The following WDR33 variants were observed in gnomAD, a reference collection of about 807,000 sequenced individuals.
WDR33 encodes the protein WD repeat domain 33.
WDR33 carries 47 observed loss-of-function variants against 164.9 expected under a neutral mutation model. The ratio of observed to expected loss-of-function variants is 0.29; its 90% confidence interval spans 0.23 to 0.36. The LOEUF (loss-of-function observed/expected upper bound fraction) is 0.36. Ranked by LOEUF, WDR33 falls within the 10% of genes least tolerant of loss-of-function variation. The pLI is 1.00. For synonymous variants in WDR33, 505 were observed against 589.0 expected, an observed-to-expected ratio of 0.86 and a Z score of 2.06; for missense variants, 1,137 against 1,754.1, an observed-to-expected ratio of 0.65 and a Z score of 6.28.
Position 127,791,226 on chromosome 2 carries a change from A to G in WDR33, c.-24+19786T>C, listed in dbSNP as rs949147098. Among the ~76,000 whole-genome samples, 3 of 121,280 alleles carry G rather than the reference A, an allele frequency of 2.5e-5. No individual in the cohort carries two copies. In the Admixed American group the frequency reaches 3.3e-4, roughly 13 times the overall value. 79.6% of individuals were successfully genotyped at this position (121,280 alleles called of 152,430 possible). On this transcript the variant is annotated intron_variant, in intron 1 of 21. Transcript: ENST00000322313. ...CAGGCTGCAAGACAGTGGCACAATCATACCTCACTGCAGCCTCAAACTCCT... is the reference window on the plus strand; with the variant it reads ...CAGGCTGCAAGACAGTGGCACAATCGTACCTCACTGCAGCCTCAAACTCCT...
Position 127,719,382 on chromosome 2 carries a change from G to C in WDR33, c.2643C>G (p.Pro881=). The stretch of plus-strand genomic sequence containing the variant: ...CTGGGTTCTGCTGTCCCTGAGGTCC[G>C]GGGGGTCCTTGCATGCCACCCTGGG... ...PPPQGGMQGP[P]GPQGQQNPAR... is the part of the protein sequence containing the mutation. Residue 881 remains proline, a synonymous_variant, in exon 16 of 22, where the codon CCC becomes CCG. Coordinates refer to ENST00000322313, the MANE Select transcript of WDR33 (RefSeq NM_018383.5). The surrounding 1 kb of genome is among the most constrained non-coding windows in gnomAD (Gnocchi z 6.5). 6.6e-7 allele frequency: 1 copy of C among 1,517,890 alleles called. No homozygotes were observed. Among genetic ancestry groups the C allele is most frequent in the South Asian group, 1.3e-5 (1 of 74,156 alleles). 94.0% of individuals were successfully genotyped at this position (1,517,890 alleles called of 1,614,324 possible).
At chr2:127,734,628 A>C (rs1686794415) in intron 7 of WDR33, among the ~76,000 whole-genome samples, 1 of 152,202 alleles carries the variant, frequency 6.6e-6, no homozygotes, top group South Asian at 2.1e-4. Context: ...ACGTTTATTG[A>C]GCTCCTGTTA....
At chr2:127,798,282 C>T (rs143478696) in intron 1 of WDR33, among the ~76,000 whole-genome samples, 6,069 of 143,056 alleles carry the variant, frequency 0.042, 378 homozygotes, top group African/African-American at 0.14. Flanking sequence ...GCAGGAGGAT[C>T]GCTTGAACCT....
At chr2:127,802,892 G>A (rs976823098) in intron 1 of WDR33, among the ~76,000 whole-genome samples, 1 of 151,940 alleles carries the variant, frequency 6.6e-6, no homozygotes, top group Non-Finnish European at 1.5e-5. Flanking sequence ...GAGGTGGGAG[G>A]ATCACCCAAA....
At position 127,703,558 on chromosome 2, in the gene WDR33, G is replaced by C. The variant is rs546733945; in HGVS notation, c.*2765C>G. The stretch of plus-strand genomic sequence containing the variant: ...CAACATCCACACTGTAGGCTTGCAG[G>C]CTACCCGCCCTGAGATTTGGTAAAG... On this transcript the variant is annotated 3_prime_UTR_variant, in exon 22 of 22. Transcript: ENST00000322313. 1.2e-5 allele frequency: 2 copies of C among 167,188 alleles called. No individual in the cohort carries two copies. Among genetic ancestry groups the C allele is most frequent in the South Asian group, 2.1e-4 (1 of 4,826 alleles). The allele number at this position is 167,188 out of a possible 1,614,324, so 10.4% of individuals were successfully genotyped here. A position where few individuals can be genotyped will look rare whatever the true frequency, so the allele number is the denominator to read the frequency against.
chr2:127,751,675 T>C (rs867641004), intron 7 of WDR33, among the ~76,000 whole-genome samples: 7 of 152,206 alleles, frequency 4.6e-5, no homozygotes, highest in African/African-American at 1.7e-4. Flanking sequence ...TTTTTAATAT[T>C]ACCACCACCA....
chr2:127,766,422 C>A (rs1356357592), intron 4 of WDR33, among the ~76,000 whole-genome samples: 1 of 152,092 alleles, frequency 6.6e-6, no homozygotes, highest in Non-Finnish European at 1.5e-5. Context: ...AAAAGCCTCC[C>A]CTCTTTCTAG....
chr2:127,789,971 G>C (rs540894856), intron 1 of WDR33, among the ~76,000 whole-genome samples: 4 of 152,182 alleles, frequency 2.6e-5, no homozygotes, highest in Non-Finnish European at 5.9e-5. Context: ...GAATAGCTCG[G>C]ACTACAGGTG....
intron 1 of WDR33, among the ~76,000 whole-genome samples, chr2:127,778,045 A>C (rs1451939954): frequency 6.6e-6 from 1 of 152,170 alleles, no homozygotes; most frequent in Non-Finnish European, 1.5e-5. Context: ...TGTAATCCCA[A>C]AACTTTGAGA....
intron 1 of WDR33, among the ~76,000 whole-genome samples, chr2:127,796,398 T>G (rs114135458): frequency 0.011 from 1,573 of 146,114 alleles, 21 homozygotes; most frequent in African/African-American, 0.028. Context: ...GTGTGAGAGA[T>G]AGCACTACTG....
At chr2:127,809,669 C>T (rs1459089805) in intron 1 of WDR33, among the ~76,000 whole-genome samples, 1 of 152,120 alleles carries the variant, frequency 6.6e-6, no homozygotes, top group African/African-American at 2.4e-5. Context: ...CTCCTGACCT[C>T]AGGTGATCCG....
chr2:127,762,986 T>C (rs963936070), intron 7 of WDR33, 76 bp downstream of exon 7: 4 of 1,606,208 alleles, frequency 2.5e-6, no homozygotes, highest in African/African-American at 2.7e-5. Flanking sequence ...TAAGCCAGTA[T>C]TGTGGTTTTG....
In WDR33 at chr2:127,809,428, C is replaced by CTTT. The variant is rs70985478; in HGVS notation, c.-24+1581_-24+1583dup. Among the ~76,000 whole-genome samples, 327 of 94,616 alleles carry CTTT rather than the reference C, an allele frequency of 3.5e-3. 1 individual carries two copies. Among genetic ancestry groups the CTTT allele is most frequent in the African/African-American group, 4.3e-3 (97 of 22,396 alleles). The allele number at this position is 94,616 out of a possible 152,430, so 62.1% of individuals were successfully genotyped here. On this transcript the variant is annotated intron_variant, in intron 1 of 21. Transcript: ENST00000322313. Reference sequence around the variant, plus strand: ...ATTGTAATATATGTAAGCCAAATTCCTTTTTTTTTTTTTTTTTTTTTTTTT... The same window carrying CTTT: ...ATTGTAATATATGTAAGCCAAATTCCTTTTTTTTTTTTTTTTTTTTTTTTTTTT...
chr2:127,708,851 G>T lies in WDR33; in HGVS notation c.3607C>A (p.His1203Asn). The T allele has an allele frequency of 6.2e-7, 1 of 1,608,850 alleles. No individual in the cohort carries two copies. Among genetic ancestry groups the T allele is most frequent in the Non-Finnish European group, 8.5e-7 (1 of 1,176,848 alleles). ...EHFRDTPRPDHPPHDGHSPAS... is the reference protein window; with the variant it reads ...EHFRDTPRPDNPPHDGHSPAS... ...GGGGAATGACCGTCGTGAGGGGGAT[G>T]ATCAGGGCGGGGAGTATCACGAAAA... Residue 1203 changes from histidine (H) to asparagine (N), a missense_variant, in exon 21 of 22, where the codon CAT becomes AAT. His to Asn is a moderately conservative substitution (Grantham distance 68, BLOSUM62 1). Transcript: ENST00000322313. This position sits in a 1 kb window ranked among gnomAD's most constrained non-coding sequence, Gnocchi z 6.7.
In WDR33 at chr2:127,806,210, C is replaced by CTT. The variant is rs200197402; in HGVS notation, c.-24+4800_-24+4801dup. On this transcript the variant is annotated intron_variant, in intron 1 of 21. Transcript: ENST00000322313. The stretch of plus-strand genomic sequence containing the variant: ...CATCTCTTTAGTTGTTTTTCTTTTT[C>CTT]TTTTTTTTTTTTTTTTTGAGACAGT... Among the ~76,000 whole-genome samples, 455 of 132,898 alleles carry CTT rather than the reference C, an allele frequency of 3.4e-3. 4 individuals carry two copies. Among genetic ancestry groups the CTT allele is most frequent in the African/African-American group, 0.01 (369 of 35,808 alleles). 87.2% of individuals were successfully genotyped at this position (132,898 alleles called of 152,430 possible).
chr2:127,793,402 G>C (rs1470442519), intron 1 of WDR33, among the ~76,000 whole-genome samples: 1 of 151,726 alleles, frequency 6.6e-6, no homozygotes, highest in East Asian at 1.9e-4. Context: ...CTGCACTCCA[G>C]CCTAGGCAAC....
Position 127,738,668 on chromosome 2 carries a change from C to T in WDR33, c.725-11891G>A, listed in dbSNP as rs530156677. Among the ~76,000 whole-genome samples, 4 of 152,148 alleles carry T rather than the reference C, an allele frequency of 2.6e-5. No homozygotes were observed. The highest frequency in any genetic ancestry group is 1.3e-4 in the Admixed American group (2 of 15,286). On this transcript the variant is annotated intron_variant, in intron 7 of 21. Transcript: ENST00000322313. The surrounding 1 kb of genome is among the most constrained non-coding windows in gnomAD (Gnocchi z 4.4). ...CCTGTGTGATCTTCCTCTCAAAAAC[C>T]GACAATTCCCTGTCTAATCATGAGA...
rs10198272 is a variant in WDR33 at position 127,771,671 on chromosome 2, G to A, written c.-23-667C>T. On this transcript the variant is annotated intron_variant, in intron 1 of 21. Coordinates refer to ENST00000322313, the MANE Select transcript of WDR33 (RefSeq NM_018383.5). ...CATGCACCTGTAGTCCTAGCTATTTGGGAGGCTGAGACAGGAGAATCACTT... is the reference window on the plus strand; with the variant it reads ...CATGCACCTGTAGTCCTAGCTATTTAGGAGGCTGAGACAGGAGAATCACTT... Among the ~76,000 whole-genome samples the A allele has an allele frequency of 7.0e-3, 1,063 of 152,060 alleles. 10 individuals are homozygous for A. The highest frequency in any genetic ancestry group is 0.024 in the African/African-American group (1,011 of 41,434).
In WDR33 at chr2:127,722,777, G is replaced by T; in HGVS notation, c.1379-47C>A. The T allele has an allele frequency of 1.3e-6, 2 of 1,592,226 alleles. No homozygotes were observed. Among genetic ancestry groups the T allele is most frequent in the South Asian group, 2.3e-5 (2 of 87,334 alleles). The stretch of plus-strand genomic sequence containing the variant: ...GTTTGCCTCTTAAATAAAAGAAATT[G>T]GCCACTTGATCAATGAACACATTAT... On this transcript the variant is annotated intron_variant, in intron 13 of 21. Coordinates refer to ENST00000322313, the MANE Select transcript of WDR33 (RefSeq NM_018383.5). This position sits in a 1 kb window ranked among gnomAD's most constrained non-coding sequence, Gnocchi z 5.1.
Sources: allele counts gnomAD v4.1 joint callset (sites outside exome capture counted in the v4.1 genomes callset), GRCh38; gene constraint gnomAD v4.1.1; non-coding constraint Gnocchi (gnomAD v3.1); transcripts MANE v1.5; gene names NCBI Gene and HGNC (gene_info 2026-07-23, HGNC 2026-07-21).